The following PPP2R2C variants were observed in gnomAD, a reference collection of about 807,000 sequenced individuals.
PPP2R2C encodes the protein protein phosphatase 2 regulatory subunit Bgamma.
In PPP2R2C, 10 loss-of-function variants were observed where a neutral mutation model predicts 45.3. That is an observed-to-expected ratio of 0.22 (90% CI 0.14 to 0.37). The LOEUF is 0.37. PPP2R2C is among the 10% of genes least tolerant of loss of function. The probability of loss-of-function intolerance (pLI) is 1.00; values close to 1 mark genes in which losing one functional copy is unlikely to be tolerated. For missense variants in PPP2R2C, 308 were observed against 619.7 expected, an observed-to-expected ratio of 0.50 and a Z score of 5.34; for synonymous variants, 257 against 245.4, an observed-to-expected ratio of 1.05 and a Z score of -0.44.
chr4:6,344,830 T>A (rs1276789122), intron 6 of PPP2R2C, among the ~76,000 whole-genome samples: 2 of 152,304 alleles, frequency 1.3e-5, no homozygotes, highest in East Asian at 3.9e-4. Flanking sequence ...TAAAAATTCT[T>A]CTAAAACAAT....
chr4:6,440,577 C>G (rs1720105370), intron 1 of PPP2R2C, among the ~76,000 whole-genome samples: 1 of 152,194 alleles, frequency 6.6e-6, no homozygotes, highest in Non-Finnish European at 1.5e-5. Context: ...GCAGGCTGGT[C>G]TCTGGACCCA....
intron 5 of PPP2R2C, among the ~76,000 whole-genome samples, chr4:6,371,355 T>G (rs917305532): frequency 6.6e-6 from 1 of 152,162 alleles, no homozygotes; most frequent in Non-Finnish European, 1.5e-5. Flanking sequence ...CAAAAGCCAT[T>G]TGTTACTCTC....
chr4:6,421,608 G>A (rs993762588), intron 1 of PPP2R2C, among the ~76,000 whole-genome samples: 3 of 152,088 alleles, frequency 2.0e-5, no homozygotes, highest in African/African-American at 7.2e-5. Context: ...CGGGCAGATG[G>A]ACCACAAGAC....
At chr4:6,486,851 G>C (rs143645608) in intron 2 of PPP2R2C, among the ~76,000 whole-genome samples, 108 of 152,058 alleles carry the variant, frequency 7.1e-4, no homozygotes, top group African/African-American at 2.5e-3. Flanking sequence ...GTGATTATTG[G>C]TATGATTAGG....
At chr4:6,414,410 G>C (rs945775236) in intron 1 of PPP2R2C, among the ~76,000 whole-genome samples, 1 of 152,268 alleles carries the variant, frequency 6.6e-6, no homozygotes, top group African/African-American at 2.4e-5. Flanking sequence ...GGTGGCTCCA[G>C]GGTTCATTGC....
chr4:6,558,166 C>T (rs1032025927), intron 1 of PPP2R2C, among the ~76,000 whole-genome samples: 3 of 152,202 alleles, frequency 2.0e-5, no homozygotes, highest in South Asian at 4.1e-4. Flanking sequence ...CATCCCAACA[C>T]CGAGTGAGCG....
chr4:6,472,125 C>T (rs1190382450), intron 1 of PPP2R2C, 35 bp downstream of exon 1: 1 of 1,612,762 alleles, frequency 6.2e-7, no homozygotes, highest in South Asian at 1.1e-5. Flanking sequence ...CACGCCGCGG[C>T]CGGCCGGAGG....
At chr4:6,494,172 C>A (rs1722800431) in intron 2 of PPP2R2C, among the ~76,000 whole-genome samples, 1 of 152,308 alleles carries the variant, frequency 6.6e-6, no homozygotes, top group East Asian at 1.9e-4. Context: ...ATTGGTCTAG[C>A]CTGAATGCCT....
intron 1 of PPP2R2C, among the ~76,000 whole-genome samples, chr4:6,397,797 G>C (rs1042367511): frequency 6.6e-6 from 1 of 152,224 alleles, no homozygotes; most frequent in Non-Finnish European, 1.5e-5. Context: ...GATTAAATAA[G>C]CGAAAATATG....
chr4:6,476,486 A>G (rs904481418), upstream of PPP2R2C, among the ~76,000 whole-genome samples: 3 of 152,206 alleles, frequency 2.0e-5, no homozygotes, highest in African/African-American at 7.2e-5. Context: ...TCTCTCTGTC[A>G]TATGAGGACA....
At position 6,331,847 on chromosome 4, in the gene PPP2R2C, C is replaced by T. The variant is rs1209542813; in HGVS notation, c.960+1715G>A. Among the ~76,000 whole-genome samples, 1 of 152,180 alleles carries T rather than the reference C, an allele frequency of 6.6e-6. No homozygotes were observed. Among genetic ancestry groups the T allele is most frequent in the Admixed American group, 6.5e-5 (1 of 15,286 alleles). On this transcript the variant is annotated intron_variant, in intron 7 of 8. Coordinates refer to ENST00000382599, the MANE Select transcript of PPP2R2C (RefSeq NM_020416.4). The surrounding 1 kb of genome is among the most constrained non-coding windows in gnomAD (Gnocchi z 5.9). The stretch of plus-strand genomic sequence containing the variant: ...ACTCCCTGTTGTGGGAGAAAAATAG[C>T]CCCGATTTGTTAAGCACCGCACACC...
intron 5 of PPP2R2C, among the ~76,000 whole-genome samples, chr4:6,357,256 G>A (rs1232274599): frequency 6.6e-6 from 1 of 152,274 alleles, no homozygotes; most frequent in African/African-American, 2.4e-5. Flanking sequence ...GCTGGGCAAG[G>A]AGGGGCTGTC....
intron 4 of PPP2R2C, 97 bp downstream of exon 4, chr4:6,375,722 A>C: frequency 9.3e-7 from 1 of 1,075,088 alleles, no homozygotes; most frequent in Non-Finnish European, 1.4e-6. Flanking sequence ...CAGGGTCTGC[A>C]CCTGACTCTG....
At chr4:6,361,388 A>T (rs780092314) in intron 5 of PPP2R2C, among the ~76,000 whole-genome samples, 5 of 152,246 alleles carry the variant, frequency 3.3e-5, no homozygotes, top group Non-Finnish European at 7.3e-5. Flanking sequence ...CTGACTTCTG[A>T]ATCACAAAAC....
At chr4:6,420,963 G>A in intron 1 of PPP2R2C, 1 of 985,106 alleles carries the variant, frequency 1.0e-6, no homozygotes, top group African/African-American at 1.7e-5. Flanking sequence ...GCCTCAGAAG[G>A]GCAGCAGCCA....
At chr4:6,516,740 T>C (rs1364397025) in intron 2 of PPP2R2C, among the ~76,000 whole-genome samples, 9 of 152,230 alleles carry the variant, frequency 5.9e-5, no homozygotes, top group East Asian at 1.9e-4. Flanking sequence ...ACACATTTCA[T>C]ATCTGACAAG....
intron 1 of PPP2R2C, among the ~76,000 whole-genome samples, chr4:6,455,275 A>G (rs1560560470): frequency 6.6e-6 from 1 of 152,212 alleles, no homozygotes; most frequent in Non-Finnish European, 1.5e-5. Context: ...ATAGCCCTAC[A>G]TCAAGAAATT....
chr4:6,363,261 T>C (rs867613851), intron 5 of PPP2R2C, among the ~76,000 whole-genome samples: 1 of 152,134 alleles, frequency 6.6e-6, no homozygotes, highest in African/African-American at 2.4e-5. Context: ...ATTGATTTTG[T>C]AGTGTTTGTA....
intron 1 of PPP2R2C, among the ~76,000 whole-genome samples, chr4:6,466,358 C>G (rs1721595679): frequency 6.6e-6 from 1 of 152,170 alleles, no homozygotes; most frequent in Non-Finnish European, 1.5e-5. Context: ...AACATGAACC[C>G]AAGCACAGGT....
Sources: gnomAD v4.1 joint callset for allele counts (sites outside exome capture counted in the v4.1 genomes callset) on GRCh38, gnomAD v4.1.1 for gene constraint, Gnocchi (gnomAD v3.1) non-coding constraint, MANE v1.5 for transcripts, NCBI Gene and HGNC (gene_info 2026-07-23, HGNC 2026-07-21) for gene names.